SIK3: variants seen among roughly 807,000 people sequenced by gnomAD.
The protein encoded by SIK3 is SIK family kinase 3.
Under a neutral mutation model 144.2 loss-of-function variants are expected in SIK3, and 28 were observed. That is an observed-to-expected ratio of 0.19 (90% CI 0.14 to 0.27). SIK3 has a LOEUF of 0.27. Among genes scored for constraint, SIK3 ranks in the 10% least tolerant of loss-of-function variants. SIK3 has a pLI of 1.00. For missense variants in SIK3, 1,319 were observed against 1,776.0 expected, an observed-to-expected ratio of 0.74 and a Z score of 4.62; for synonymous variants, 686 against 676.3, an observed-to-expected ratio of 1.01 and a Z score of -0.22.
At position 117,018,825 on chromosome 11, in the gene SIK3, C is replaced by T. The variant is rs1473660731; in HGVS notation, c.274-61761G>A. Among the ~76,000 whole-genome samples, 5 of 151,960 alleles carry T rather than the reference C, an allele frequency of 3.3e-5. No individual in the cohort carries two copies. In the East Asian group the frequency reaches 7.7e-4, roughly 23 times the overall value. ...CTCCTGTGTTCAAGTGATTCTCCTG[C>T]CTCAGCCTCCTGAGTAGCTGGAATT... On this transcript the variant is annotated intron_variant, in intron 1 of 24. Coordinates refer to ENST00000445177, the MANE Select transcript of SIK3 (RefSeq NM_001366686.3).
At chr11:116,855,456 A>T (rs1942830671) in intron 21 of SIK3, 1 of 152,286 alleles carries the variant, frequency 6.6e-6, no homozygotes, top group South Asian at 2.1e-4. Flanking sequence ...CTGCCGAAGA[A>T]GGGGTCCTCT....
At chr11:116,978,535 A>C (rs1318046524) in intron 1 of SIK3, among the ~76,000 whole-genome samples, 1 of 152,070 alleles carries the variant, frequency 6.6e-6, no homozygotes, top group Non-Finnish European at 1.5e-5. Flanking sequence ...GCAGGGTCTC[A>C]CAATGATGTA....
intron 1 of SIK3, among the ~76,000 whole-genome samples, chr11:116,969,522 C>T (rs1949693032): frequency 6.6e-6 from 1 of 151,646 alleles, no homozygotes; most frequent in Non-Finnish European, 1.5e-5. Context: ...CCTGAGGTCT[C>T]TGGGTCACAG....
intron 4 of SIK3, among the ~76,000 whole-genome samples, chr11:116,911,000 C>T (rs1055112490): frequency 1.3e-5 from 2 of 152,050 alleles, no homozygotes; most frequent in African/African-American, 2.4e-5. Flanking sequence ...CCTGGTGAAG[C>T]GGCGCACACC....
Position 116,844,712 on chromosome 11 carries a change from T to C in SIK3, c.*931A>G, listed in dbSNP as rs1941824026. On this transcript the variant is annotated 3_prime_UTR_variant, in exon 25 of 25. Coordinates refer to ENST00000445177, the MANE Select transcript of SIK3 (RefSeq NM_001366686.3). Reference sequence around the variant, plus strand: ...TATATACACACATATATAATATATATATGGAGAAACAATCCTTTTTATAGC... The same window carrying C: ...TATATACACACATATATAATATATACATGGAGAAACAATCCTTTTTATAGC... 7.0e-6 allele frequency: 1 copy of C among 142,292 alleles called. No individual in the cohort carries two copies. The highest frequency in any genetic ancestry group is 1.5e-5 in the Non-Finnish European group (1 of 66,028). The allele number at this position is 142,292 out of a possible 1,614,324, so 8.8% of individuals were successfully genotyped here.
chr11:116,884,594 C>T (rs972406253), intron 6 of SIK3, among the ~76,000 whole-genome samples: 1 of 151,848 alleles, frequency 6.6e-6, no homozygotes, highest in East Asian at 1.9e-4. Context: ...CTCCTGACCT[C>T]GTGATCTGCC....
chr11:117,009,564 AC>A (rs1341946200), intron 1 of SIK3, among the ~76,000 whole-genome samples: 11 of 152,072 alleles, frequency 7.2e-5, no homozygotes, highest in Admixed American at 5.2e-4. Context: ...AAAAAAAAAA[AC>A]AAAAAACAAA....
intron 1 of SIK3, among the ~76,000 whole-genome samples, chr11:117,031,836 C>T (rs1354414559): frequency 6.6e-6 from 1 of 151,850 alleles, no homozygotes; most frequent in African/African-American, 2.4e-5. Context: ...GCCACCGCAC[C>T]AGGCCAGCAT....
chr11:116,990,164 G>C (rs2135553859), intron 1 of SIK3, among the ~76,000 whole-genome samples: 1 of 152,286 alleles, frequency 6.6e-6, no homozygotes, highest in African/African-American at 2.4e-5. Flanking sequence ...GCAACTTCTT[G>C]GCAGCAATAC....
intron 6 of SIK3, among the ~76,000 whole-genome samples, chr11:116,886,101 A>G (rs910656363): frequency 3.9e-5 from 6 of 152,248 alleles, no homozygotes; most frequent in Non-Finnish European, 8.8e-5. Flanking sequence ...TAAATAGGGC[A>G]GTACCACTAT....
chr11:117,073,692 A>G (rs1954378998), intron 1 of SIK3, among the ~76,000 whole-genome samples: 1 of 152,222 alleles, frequency 6.6e-6, no homozygotes, highest in Non-Finnish European at 1.5e-5. Context: ...AGTATTAACT[A>G]TATAATGAAA....
At chr11:116,992,452 C>G (rs118083171) in intron 1 of SIK3, among the ~76,000 whole-genome samples, 6 of 151,964 alleles carry the variant, frequency 3.9e-5, no homozygotes, top group Non-Finnish European at 8.8e-5. Flanking sequence ...ATACACTCTA[C>G]AGCATTAAAA....
chr11:117,054,690 T>A (rs775279859), intron 1 of SIK3, among the ~76,000 whole-genome samples: 1 of 152,174 alleles, frequency 6.6e-6, no homozygotes, highest in Admixed American at 6.6e-5. Context: ...CCCAGCACTT[T>A]GGCAGAGGTG....
intron 1 of SIK3, among the ~76,000 whole-genome samples, chr11:117,040,279 CTGAG>C (rs1402114121): frequency 2.0e-5 from 3 of 152,200 alleles, no homozygotes; most frequent in East Asian, 1.9e-4. Flanking sequence ...GAGCATGTGA[CTGAG>C]TAAGTTACTC....
chr11:116,986,819 T>C (rs1950340736), intron 1 of SIK3, among the ~76,000 whole-genome samples: 1 of 152,232 alleles, frequency 6.6e-6, no homozygotes, highest in African/African-American at 2.4e-5. Context: ...CCAGTTTTAC[T>C]GGATTACTCT....
chr11:116,901,719 TTCTC>T (rs1468168529), intron 4 of SIK3, among the ~76,000 whole-genome samples: 1 of 152,178 alleles, frequency 6.6e-6, no homozygotes, highest in Non-Finnish European at 1.5e-5. Context: ...TACCTTATTC[TTCTC>T]TCTTTCACAG....
rs953136410 is a variant in SIK3 at position 117,029,698 on chromosome 11, C to G, written c.273+68445G>C. On this transcript the variant is annotated intron_variant, in intron 1 of 24. Coordinates refer to ENST00000445177, the MANE Select transcript of SIK3 (RefSeq NM_001366686.3). Reference sequence around the variant, plus strand: ...CACAAAATTCAAGGAGAAATCTAGGCTAACTCCCAAACTTCTGGCTTCTAC... The same window carrying G: ...CACAAAATTCAAGGAGAAATCTAGGGTAACTCCCAAACTTCTGGCTTCTAC... Among the ~76,000 whole-genome samples the G allele has an allele frequency of 1.8e-4, 28 of 152,084 alleles. 1 individual carries two copies. Among genetic ancestry groups the G allele is most frequent in the Non-Finnish European group, 2.9e-5 (2 of 68,038 alleles).
chr11:117,013,188 G>C (rs1028744598), intron 1 of SIK3, among the ~76,000 whole-genome samples: 5 of 152,132 alleles, frequency 3.3e-5, no homozygotes, highest in Non-Finnish European at 5.9e-5. Flanking sequence ...AGAAGGCCAT[G>C]TTATTTAAAA....
At chr11:117,047,846 A>G (rs576134850) in intron 1 of SIK3, among the ~76,000 whole-genome samples, 5 of 152,342 alleles carry the variant, frequency 3.3e-5, no homozygotes, top group South Asian at 2.1e-4. Context: ...ATGTTATTCA[A>G]TGAGAACATC....
Sources: gnomAD v4.1 joint callset for allele counts (sites outside exome capture counted in the v4.1 genomes callset) on GRCh38, gnomAD v4.1.1 for gene constraint, MANE v1.5 for transcripts, NCBI Gene and HGNC (gene_info 2026-07-23, HGNC 2026-07-21) for gene names.